The following MTHFD1L variants were observed in gnomAD, a reference collection of about 807,000 sequenced individuals.
The protein encoded by MTHFD1L is methylenetetrahydrofolate dehydrogenase (NADP+ dependent) 1 like, also known as monofunctional C1-tetrahydrofolate synthase, mitochondrial.
Under a neutral mutation model 119.5 loss-of-function variants are expected in MTHFD1L, and 81 were observed. The observed-to-expected ratio is 0.68, with a 90% CI of 0.57 to 0.82. The LOEUF (loss-of-function observed/expected upper bound fraction) is 0.82. Among genes scored for constraint, MTHFD1L ranks in the 40% least tolerant of loss-of-function variants. MTHFD1L has a pLI of 0.00. For synonymous variants in MTHFD1L, 430 were observed against 475.2 expected (o/e 0.90, Z 1.24); for missense variants, 1,125 against 1,253.4 (o/e 0.90, Z 1.55).
At chr6:150,877,515 GCAC>G in intron 2 of MTHFD1L, 116 bp from the exon 3 acceptor site, 1 of 1,129,802 alleles carries the variant, frequency 8.9e-7, no homozygotes, top group Non-Finnish European at 1.3e-6. Flanking sequence ...TTGTTTTTCT[GCAC>G]CTTCCATATT....
At chr6:150,954,862 C>CA (rs1007506838) in intron 16 of MTHFD1L, among the ~76,000 whole-genome samples, 43 of 152,176 alleles carry the variant, frequency 2.8e-4, no homozygotes, top group African/African-American at 1.0e-3. Context: ...CCTCCCGCCT[C>CA]AGCCTCCCAA....
At chr6:150,978,714 C>A (rs1264778385) in intron 20 of MTHFD1L, among the ~76,000 whole-genome samples, 1 of 152,182 alleles carries the variant, frequency 6.6e-6, no homozygotes, top group Non-Finnish European at 1.5e-5. Context: ...CATATACCTT[C>A]TCACTCAATC....
Position 150,936,857 on chromosome 6 carries a change from T to G in MTHFD1L, c.1310T>G (p.Val437Gly). Residue 437 changes from valine to glycine, a missense_variant, in exon 12 of 28, where the codon GTG becomes GGG. Transcript: ENST00000367321. The part of the protein sequence containing the change: ...EGKSTVTIGL[V>G]QALTAHLNVN... ...AAGAGCACAGTCACCATCGGGCTTG[T>G]GCAGGCTCTGACCGCACACCTGAAT... is the stretch of plus-strand genomic sequence containing the variant. 6.2e-7 allele frequency: 1 copy of G among 1,614,142 alleles called. No individual in the cohort carries two copies. The highest frequency in any genetic ancestry group is 8.5e-7 in the Non-Finnish European group (1 of 1,180,024).
At chr6:151,086,523 T>C (rs1445515280) in intron 26 of MTHFD1L, among the ~76,000 whole-genome samples, 2 of 152,168 alleles carry the variant, frequency 1.3e-5, no homozygotes, top group Non-Finnish European at 2.9e-5. Flanking sequence ...ACTCATCTGT[T>C]TTTTTAAATA....
At chr6:150,983,114 T>C (rs536198537) in intron 20 of MTHFD1L, among the ~76,000 whole-genome samples, 6 of 152,376 alleles carry the variant, frequency 3.9e-5, no homozygotes, top group African/African-American at 1.4e-4. Flanking sequence ...TTGTCTATTT[T>C]GTATTGTGCT....
chr6:151,020,119 A>T (rs925806221), intron 24 of MTHFD1L, among the ~76,000 whole-genome samples: 2 of 152,168 alleles, frequency 1.3e-5, no homozygotes, highest in African/African-American at 4.8e-5. Context: ...CCCAGACTTT[A>T]TATCCCCAAG....
intron 26 of MTHFD1L, among the ~76,000 whole-genome samples, chr6:151,037,751 G>A (rs1013710442): frequency 6.6e-6 from 1 of 152,150 alleles, no homozygotes; most frequent in African/African-American, 2.4e-5. Flanking sequence ...ATGAAGATGG[G>A]CTTCATTTGG....
intron 24 of MTHFD1L, among the ~76,000 whole-genome samples, chr6:151,026,660 C>G (rs1784640964): frequency 6.6e-6 from 1 of 151,950 alleles, no homozygotes; most frequent in Non-Finnish European, 1.5e-5. Context: ...CAAGTGTAGA[C>G]ACCAGGCTTT....
intron 17 of MTHFD1L, among the ~76,000 whole-genome samples, chr6:150,957,043 A>T (rs1795753178): frequency 6.6e-6 from 1 of 152,216 alleles, no homozygotes; most frequent in Non-Finnish European, 1.5e-5. Flanking sequence ...ACAGCCCAAA[A>T]TATGGTGGAC....
rs1281104450 is a variant in MTHFD1L at position 151,030,915 on chromosome 6, G to T, written c.2587-3578G>T. Among the ~76,000 whole-genome samples the T allele has an allele frequency of 3.3e-5, 5 of 152,244 alleles. No homozygotes were observed. In the East Asian group the frequency reaches 9.7e-4, roughly 29 times the overall value. On this transcript the variant is annotated intron_variant, in intron 24 of 27. Transcript: ENST00000367321. ...TTACATTAGAAGTTGCCCATGCAGG[G>T]CACGCCTGTAATCCCAGCAACCTGG...
Position 150,941,296 on chromosome 6 carries a change from G to T in MTHFD1L, c.1440+2551G>T, listed in dbSNP as rs556970526. On this transcript the variant is annotated intron_variant, in intron 13 of 27. Coordinates refer to ENST00000367321, the MANE Select transcript of MTHFD1L (RefSeq NM_015440.5). ...GAGCCCCGTGGGCCAGCGGGAGTTG[G>T]GGGGGTTGAGGTAGAGAAGTGTGCA... Among the ~76,000 whole-genome samples the T allele has an allele frequency of 9.2e-5, 14 of 152,252 alleles. No homozygotes were observed. The South Asian group carries it at 2.7e-3, about 29-fold the overall frequency.
chr6:151,022,368 A>G (rs946332918), intron 24 of MTHFD1L: 1 of 234,250 alleles, frequency 4.3e-6, no homozygotes, highest in Non-Finnish European at 8.8e-6. Context: ...TTAAAAATGC[A>G]TATCTATGGA....
In MTHFD1L at chr6:150,938,787, C is replaced by T. The variant is rs541086789; in HGVS notation, c.1440+42C>T. ...ATGCGGGTCAGCTATCACTGTGTTT[C>T]CTTCCTGACATCTTGTCTCTGCTCC... On this transcript the variant is annotated intron_variant, in intron 13 of 27. Coordinates refer to ENST00000367321, the MANE Select transcript of MTHFD1L (RefSeq NM_015440.5). The T allele has an allele frequency of 7.6e-6, 12 of 1,573,660 alleles. No individual in the cohort carries two copies. The African/African-American group carries it at 1.6e-4, about 21-fold the overall frequency.
chr6:150,901,501 TAAAG>T (rs369316166), intron 7 of MTHFD1L, among the ~76,000 whole-genome samples: 7 of 152,078 alleles, frequency 4.6e-5, no homozygotes, highest in African/African-American at 1.4e-4. Context: ...ATTAATTAAA[TAAAG>T]CCTTGTGAAG....
chr6:151,064,352 G>A (rs111640421), intron 26 of MTHFD1L, among the ~76,000 whole-genome samples: 4 of 151,964 alleles, frequency 2.6e-5, no homozygotes, highest in Non-Finnish European at 4.4e-5. Flanking sequence ...TCACTCTGTC[G>A]CCCAGGCTGG....
intron 7 of MTHFD1L, among the ~76,000 whole-genome samples, chr6:150,902,294 G>T (rs894537531): frequency 1.3e-5 from 2 of 152,018 alleles, no homozygotes; most frequent in African/African-American, 4.8e-5. Flanking sequence ...ACCCCCACAC[G>T]CTCCCTGTTA....
chr6:151,046,483 A>G lies in MTHFD1L; in HGVS notation c.2847+9366A>G, dbSNP rs1434921157. The stretch of plus-strand genomic sequence containing the variant: ...AATATGTGTGTGTGTATATATATAT[A>G]TATATATATATATATATATATATAT... On this transcript the variant is annotated intron_variant, in intron 26 of 27. Transcript: ENST00000367321. 3.3e-3 allele frequency among the ~76,000 whole-genome samples: 159 copies of G among 47,906 alleles called. 1 individual carries two copies. Among genetic ancestry groups the G allele is most frequent in the East Asian group, 8.9e-3 (21 of 2,370 alleles). 31.4% of individuals were successfully genotyped at this position (47,906 alleles called of 152,430 possible).
At chr6:151,012,979 C>G (rs1782524739) in intron 21 of MTHFD1L, among the ~76,000 whole-genome samples, 1 of 152,220 alleles carries the variant, frequency 6.6e-6, no homozygotes, top group Non-Finnish European at 1.5e-5. Flanking sequence ...TACTCAGAGG[C>G]TGCTGATTTC....
At chr6:151,092,419 C>T (rs1794532007) in intron 26 of MTHFD1L, 48 bp from the exon 27 acceptor site, 1 of 1,465,530 alleles carries the variant, frequency 6.8e-7, no homozygotes, top group Non-Finnish European at 9.5e-7. Flanking sequence ...GATGTTGTGG[C>T]CGCTTTGTAG....
Sources: gnomAD v4.1 joint callset for allele counts (sites outside exome capture counted in the v4.1 genomes callset) on GRCh38, gnomAD v4.1.1 for gene constraint, MANE v1.5 for transcripts, NCBI Gene and HGNC (gene_info 2026-07-23, HGNC 2026-07-21) for gene names.